Variants in NRG3 observed in about 807,000 individuals in gnomAD.
The protein encoded by NRG3 is neuregulin 3.
Under a neutral mutation model 66.9 loss-of-function variants are expected in NRG3, and 31 were observed. The observed-to-expected ratio is 0.46, with a 90% CI of 0.35 to 0.63. NRG3 has a LOEUF of 0.63. NRG3 is among the 20% of genes least tolerant of loss of function. The pLI is 0.00. For missense variants in NRG3, 910 were observed against 878.9 expected, an observed-to-expected ratio of 1.04 and a Z score of -0.45; for synonymous variants, 393 against 359.4, an observed-to-expected ratio of 1.09 and a Z score of -1.06.
chr10:82,548,749 A>T (rs951754289), intron 2 of NRG3, among the ~76,000 whole-genome samples: 1 of 150,390 alleles, frequency 6.6e-6, no homozygotes, highest in Non-Finnish European at 1.5e-5. Context: ...GACAGCAGTA[A>T]AACATAAATA....
At chr10:82,117,419 A>G (rs2067799341) in intron 1 of NRG3, among the ~76,000 whole-genome samples, 1 of 152,074 alleles carries the variant, frequency 6.6e-6, no homozygotes, top group Non-Finnish European at 1.5e-5. Context: ...CTCACTTCCA[A>G]TCCCTCTCAG....
intron 1 of NRG3, among the ~76,000 whole-genome samples, chr10:82,163,076 A>G (rs1036411277): frequency 6.6e-6 from 1 of 152,112 alleles, no homozygotes; most frequent in African/African-American, 2.4e-5. Context: ...CATTCAGGCC[A>G]GCAAAAGAGG....
At chr10:82,954,093 A>T (rs1369675761) in intron 5 of NRG3, among the ~76,000 whole-genome samples, 1 of 151,952 alleles carries the variant, frequency 6.6e-6, no homozygotes, top group Non-Finnish European at 1.5e-5. Flanking sequence ...GTAGCTATAA[A>T]GTTAAGAGCC....
At chr10:81,959,311 T>A (rs537166491) in intron 1 of NRG3, among the ~76,000 whole-genome samples, 1 of 152,272 alleles carries the variant, frequency 6.6e-6, no homozygotes, top group South Asian at 2.1e-4. Context: ...GAATTCCCAG[T>A]CTATGAAATA....
At chr10:82,107,125 T>A (rs2067115453) in intron 1 of NRG3, among the ~76,000 whole-genome samples, 1 of 152,182 alleles carries the variant, frequency 6.6e-6, no homozygotes, top group African/African-American at 2.4e-5. Flanking sequence ...TTTGGATTCT[T>A]TTTCTCAGAT....
chr10:82,965,072 G>A (rs1490013481), intron 6 of NRG3, among the ~76,000 whole-genome samples: 4 of 152,122 alleles, frequency 2.6e-5, no homozygotes, highest in Non-Finnish European at 4.4e-5. Context: ...CTTCTCCTAG[G>A]AAATAACAAT....
intron 1 of NRG3, among the ~76,000 whole-genome samples, chr10:81,913,171 T>C (rs1845337611): frequency 7.4e-6 from 1 of 134,676 alleles, no homozygotes; most frequent in Non-Finnish European, 1.5e-5. Context: ...TCAACACTCA[T>C]TGATGGAGTA....
intron 2 of NRG3, among the ~76,000 whole-genome samples, chr10:82,661,587 G>T (rs2052365164): frequency 6.7e-6 from 1 of 149,344 alleles, no homozygotes; most frequent in African/African-American, 2.4e-5. Flanking sequence ...TGGTATATTT[G>T]TGTGTGTGTG....
intron 2 of NRG3, among the ~76,000 whole-genome samples, chr10:82,675,918 C>T (rs1472783590): frequency 6.6e-6 from 1 of 152,158 alleles, no homozygotes; most frequent in South Asian, 2.1e-4. Context: ...TAGGCAAGAA[C>T]CATCCTGAAA....
chr10:82,963,468 C>A (rs1015464441), intron 6 of NRG3, among the ~76,000 whole-genome samples: 19 of 152,104 alleles, frequency 1.2e-4, no homozygotes, highest in Non-Finnish European at 4.4e-5. Context: ...ATCACGAGGT[C>A]AGGAGATCGA....
intron 1 of NRG3, among the ~76,000 whole-genome samples, chr10:82,124,158 C>T (rs905531397): frequency 6.6e-6 from 1 of 151,912 alleles, no homozygotes; most frequent in Non-Finnish European, 1.5e-5. Context: ...GGTTACATCA[C>T]CTTGAAAGGT....
chr10:82,188,522 A>G (rs1015892929), intron 1 of NRG3, among the ~76,000 whole-genome samples: 12 of 152,186 alleles, frequency 7.9e-5, no homozygotes, highest in African/African-American at 2.9e-4. Context: ...TAACCCACAG[A>G]ACGGGAGAAA....
At chr10:82,722,442 G>A (rs535624596) in intron 2 of NRG3, among the ~76,000 whole-genome samples, 1 of 152,294 alleles carries the variant, frequency 6.6e-6, no homozygotes, top group African/African-American at 2.4e-5. Flanking sequence ...AGCAAAGAAT[G>A]TGCAACATTT....
chr10:82,634,028 G>C lies in NRG3; in HGVS notation c.954-104549G>C, dbSNP rs142257438. ...ACCAAAGTTCAGTGATCAGAACTTG[G>C]GCATATAGAGATTATGGTTCATAAA... On this transcript the variant is annotated intron_variant, in intron 2 of 8. Transcript: ENST00000372141. Among the ~76,000 whole-genome samples the C allele has an allele frequency of 7.7e-3, 1,175 of 152,224 alleles. 10 individuals carry two copies. The highest frequency in any genetic ancestry group is 0.027 in the African/African-American group (1,107 of 41,536).
chr10:82,075,044 C>T lies in NRG3; in HGVS notation c.823+198881C>T, dbSNP rs560035974. Among the ~76,000 whole-genome samples, 8 of 152,236 alleles carry T rather than the reference C, an allele frequency of 5.3e-5. No homozygotes were observed. The South Asian group carries it at 1.2e-3, about 24-fold the overall frequency. On this transcript the variant is annotated intron_variant, in intron 1 of 8. Transcript: ENST00000372141. ...GGCCTTTGATCATTATCTGTTGAAT[C>T]GATGAATGAATTTAAGTGTCACTAT...
intron 2 of NRG3, among the ~76,000 whole-genome samples, chr10:82,724,586 A>G (rs567231930): frequency 2.0e-5 from 3 of 152,330 alleles, no homozygotes; most frequent in Non-Finnish European, 4.4e-5. Context: ...AGAACCTTCT[A>G]TGATTCAGGC....
At chr10:82,236,960 C>T (rs978224499) in intron 1 of NRG3, among the ~76,000 whole-genome samples, 16 of 152,064 alleles carry the variant, frequency 1.1e-4, no homozygotes, top group Non-Finnish European at 1.5e-4. Context: ...TGTGGTCCGC[C>T]CACCTTGGCC....
intron 4 of NRG3, among the ~76,000 whole-genome samples, chr10:82,880,863 A>T (rs577182424): frequency 6.6e-6 from 1 of 152,324 alleles, no homozygotes; most frequent in East Asian, 1.9e-4. Flanking sequence ...TGAGTATTTT[A>T]TCTGGCAACC....
At chr10:82,528,945 G>A (rs1846989462) in intron 2 of NRG3, among the ~76,000 whole-genome samples, 2 of 152,044 alleles carry the variant, frequency 1.3e-5, no homozygotes, top group South Asian at 2.1e-4. Flanking sequence ...GTCTAGTTTA[G>A]CACTTGTTCT....
Sources: allele counts gnomAD v4.1 joint callset (sites outside exome capture counted in the v4.1 genomes callset), GRCh38; gene constraint gnomAD v4.1.1; transcripts MANE v1.5; gene names NCBI Gene and HGNC (gene_info 2026-07-23, HGNC 2026-07-21).